The following CA10 variants were observed in gnomAD, a reference collection of about 807,000 sequenced individuals.
CA10 encodes the protein carbonic anhydrase-related protein 10.
CA10 carries 14 observed loss-of-function variants against 44.2 expected under a neutral mutation model. That is an observed-to-expected ratio of 0.32 (90% CI 0.21 to 0.50). The LOEUF (loss-of-function observed/expected upper bound fraction) is 0.50, where lower values mean the gene tolerates loss of function less well. Ranked by LOEUF, CA10 falls within the 20% of genes least tolerant of loss-of-function variation. CA10 has a pLI of 0.99. For synonymous variants in CA10, 159 were observed against 141.6 expected (o/e 1.12, Z -0.87); for missense variants, 350 against 409.7 (o/e 0.85, Z 1.26).
At chr17:52,134,763 G>C (rs1264398489) in intron 1 of CA10, 25 of 452,948 alleles carry the variant, frequency 5.5e-5, no homozygotes, top group Non-Finnish European at 4.5e-6. Context: ...GTGACTCAAA[G>C]CAGAGCTCAG....
chr17:51,887,825 C>A (rs1980677392), intron 3 of CA10, among the ~76,000 whole-genome samples: 1 of 149,904 alleles, frequency 6.7e-6, no homozygotes, highest in Non-Finnish European at 1.5e-5. Context: ...CCCCTAAACC[C>A]CTTCTCTACT....
intron 3 of CA10, among the ~76,000 whole-genome samples, chr17:51,875,388 C>G (rs1980023922): frequency 6.6e-6 from 1 of 152,104 alleles, no homozygotes; most frequent in African/African-American, 2.4e-5. Flanking sequence ...AGAAGGTTAC[C>G]AAGTCACCGT....
intron 1 of CA10, among the ~76,000 whole-genome samples, chr17:52,077,851 A>G (rs969291903): frequency 6.6e-6 from 1 of 152,188 alleles, no homozygotes; most frequent in African/African-American, 2.4e-5. Context: ...GGAGCTTTAT[A>G]TAAACAAGGC....
intron 4 of CA10, among the ~76,000 whole-genome samples, chr17:51,674,551 T>C (rs1281091923): frequency 1.3e-5 from 2 of 152,342 alleles, no homozygotes; most frequent in East Asian, 1.9e-4. Context: ...CAGAGGCATA[T>C]ATAGAACAGC....
intron 2 of CA10, among the ~76,000 whole-genome samples, chr17:52,056,094 G>A (rs1214459292): frequency 6.6e-6 from 1 of 151,976 alleles, no homozygotes; most frequent in Non-Finnish European, 1.5e-5. Context: ...AAGAGGCTCT[G>A]GAAGTCTACC....
intron 1 of CA10, among the ~76,000 whole-genome samples, chr17:52,127,971 T>A (rs1989155877): frequency 1.3e-5 from 2 of 152,204 alleles, no homozygotes; most frequent in African/African-American, 4.8e-5. Context: ...AAATACATCC[T>A]CAGAATAACT....
At position 51,865,116 on chromosome 17, in the gene CA10, T is replaced by G. The variant is rs1173672155; in HGVS notation, c.279+65874A>C. Among the ~76,000 whole-genome samples the G allele has an allele frequency of 2.6e-5, 4 of 152,304 alleles. No homozygotes were observed. In the East Asian group the frequency reaches 7.7e-4, roughly 29 times the overall value. ...AATTCTTCAGGGTCTCTTCATCACC[T>G]TCTGAAGTATGACTGGTATACATCA... On this transcript the variant is annotated intron_variant, in intron 3 of 8. Transcript: ENST00000451037.
intron 4 of CA10, among the ~76,000 whole-genome samples, chr17:51,744,542 A>C (rs1251361597): frequency 6.6e-6 from 1 of 152,028 alleles, no homozygotes; most frequent in African/African-American, 2.4e-5. Context: ...CCCAGGAGTT[A>C]GAGGTTACAG....
chr17:51,717,808 TAC>T (rs1203166305), intron 4 of CA10, among the ~76,000 whole-genome samples: 6 of 49,030 alleles, frequency 1.2e-4, no homozygotes, highest in South Asian at 6.4e-4. Flanking sequence ...TGTATATATA[TAC>T]ACGTATATAT....
At chr17:51,751,991 C>A (rs2143615904) in intron 3 of CA10, among the ~76,000 whole-genome samples, 1 of 152,270 alleles carries the variant, frequency 6.6e-6, no homozygotes, top group South Asian at 2.1e-4. Flanking sequence ...GGAGCTCACA[C>A]TCCATTATGG....
chr17:52,057,913 T>C (rs565659377), intron 2 of CA10, among the ~76,000 whole-genome samples: 1 of 124,014 alleles, frequency 8.1e-6, no homozygotes, highest in East Asian at 2.4e-4. Context: ...AGTTCCAAAG[T>C]GTTTCTCAAG....
intron 4 of CA10, among the ~76,000 whole-genome samples, chr17:51,692,724 T>A (rs777218099): frequency 2.6e-5 from 4 of 152,228 alleles, no homozygotes; most frequent in Admixed American, 6.5e-5. Context: ...GTTTCTAAGT[T>A]TTCACAATTA....
chr17:51,959,837 T>C (rs1983821301), intron 2 of CA10, among the ~76,000 whole-genome samples: 1 of 131,418 alleles, frequency 7.6e-6, no homozygotes, highest in African/African-American at 2.7e-5. Context: ...AAGAAAAATC[T>C]TCTCTAGAGG....
intron 4 of CA10, among the ~76,000 whole-genome samples, chr17:51,735,439 A>C (rs541781799): frequency 1.3e-5 from 2 of 152,274 alleles, no homozygotes; most frequent in African/African-American, 4.8e-5. Flanking sequence ...TACTATGCTC[A>C]GTACCTGGGT....
chr17:51,947,972 C>T (rs146848949), intron 2 of CA10, among the ~76,000 whole-genome samples: 1 of 152,146 alleles, frequency 6.6e-6, no homozygotes, highest in East Asian at 1.9e-4. Context: ...AGACCAAACC[C>T]ACATATCTAG....
intron 6 of CA10, among the ~76,000 whole-genome samples, chr17:51,647,867 C>A (rs1913402486): frequency 6.6e-6 from 1 of 152,138 alleles, no homozygotes; most frequent in Non-Finnish European, 1.5e-5. Flanking sequence ...TGAGAAAAGG[C>A]AGAATATGCT....
chr17:51,793,247 C>A (rs1906588262), intron 3 of CA10, among the ~76,000 whole-genome samples: 1 of 152,100 alleles, frequency 6.6e-6, no homozygotes, highest in Non-Finnish European at 1.5e-5. Context: ...TCTTGCACTG[C>A]CTGAATGTCC....
intron 2 of CA10, among the ~76,000 whole-genome samples, chr17:52,049,602 A>C (rs1987002931): frequency 6.6e-6 from 1 of 152,026 alleles, no homozygotes; most frequent in South Asian, 2.1e-4. Context: ...CTTTGTTCTT[A>C]ATCTTTTGTT....
intron 2 of CA10, among the ~76,000 whole-genome samples, chr17:51,996,444 G>A (rs1488461516): frequency 2.0e-5 from 3 of 151,754 alleles, no homozygotes; most frequent in South Asian, 2.1e-4. Flanking sequence ...ATTTTTAAGC[G>A]GTGCTGGTTC....
Sources: allele counts gnomAD v4.1 joint callset (sites outside exome capture counted in the v4.1 genomes callset), GRCh38; gene constraint gnomAD v4.1.1; transcripts MANE v1.5; gene names NCBI Gene and HGNC (gene_info 2026-07-23, HGNC 2026-07-21).